NEBL: variants seen among roughly 807,000 people sequenced by gnomAD.
The protein encoded by NEBL is nebulette, also known as LIM and SH3 protein 2.
NEBL carries 122 observed loss-of-function variants against 140.2 expected under a neutral mutation model. The observed-to-expected ratio is 0.87, with a 90% CI of 0.75 to 1.01. The LOEUF (loss-of-function observed/expected upper bound fraction) is 1.01, where lower values mean the gene tolerates loss of function less well. Ranked by LOEUF, NEBL falls within the 50% of genes least tolerant of loss-of-function variation. The pLI, the probability that NEBL is intolerant of heterozygous loss-of-function variation, is 0.00. For missense variants in NEBL, 1,365 were observed against 1,231.3 expected (o/e 1.11, Z -1.62); for synonymous variants, 436 against 398.9 (o/e 1.09, Z -1.11).
At chr10:21,038,900 C>A (rs1319485727) in intron 2 of NEBL, among the ~76,000 whole-genome samples, 1 of 152,112 alleles carries the variant, frequency 6.6e-6, no homozygotes, top group African/African-American at 2.4e-5. Context: ...TAATGATCAC[C>A]ATTCAAACTG....
chr10:21,219,130 C>T (rs764650515), intron 3 of NEBL, among the ~76,000 whole-genome samples: 28 of 152,352 alleles, frequency 1.8e-4, no homozygotes, highest in Middle Eastern at 3.4e-3. Context: ...CAGGCCAAGA[C>T]ATCAGCCTTT....
At chr10:21,235,058 G>A (rs1049149498) in intron 3 of NEBL, among the ~76,000 whole-genome samples, 2 of 152,194 alleles carry the variant, frequency 1.3e-5, no homozygotes, top group Admixed American at 6.5e-5. Flanking sequence ...ATTTTGGGAG[G>A]CCAAGACAGG....
At position 20,972,650 on chromosome 10, in the gene NEBL, G is replaced by A. The variant is rs540305225; in HGVS notation, c.250-10871C>T. Among the ~76,000 whole-genome samples, 3 of 152,238 alleles carry A rather than the reference G, an allele frequency of 2.0e-5. No homozygotes were observed. The South Asian group carries it at 6.2e-4, about 32-fold the overall frequency. ...TAGTCTCAGCTACTCGGGAGGCTGA[G>A]GCAGGAGAATTGCTTGAACCCGGGA... On this transcript the variant is annotated intron_variant, in intron 3 of 6. Coordinates refer to the NEBL transcript ENST00000417816.
chr10:20,895,485 C>G (rs1305913664), intron 2 of NEBL, among the ~76,000 whole-genome samples: 1 of 152,162 alleles, frequency 6.6e-6, no homozygotes, highest in Non-Finnish European at 1.5e-5. Context: ...TATCTCCTCG[C>G]TTCAGAAATG....
Position 21,241,245 on chromosome 10 carries a change from AAAATAAATAAATAAAT to A in NEBL, n.348+6660_348+6675del, listed in dbSNP as rs372654187. On this transcript the variant is annotated intron_variant and non_coding_transcript_variant, in intron 3 of 8. Transcript: ENST00000675702. ...GAAGCTAGAAAACCCCGATGCCAGC[AAAATAAATAAATAAAT>A]AAATAAATAAATAAATAAATAAATA... is the stretch of plus-strand genomic sequence containing the variant. Among the ~76,000 whole-genome samples, 130 of 146,500 alleles carry A rather than the reference AAAATAAATAAATAAAT, an allele frequency of 8.9e-4. No homozygotes were observed. The Middle Eastern group carries it at 0.01, about 12-fold the overall frequency.
At chr10:21,212,618 T>C (rs1212651227) in intron 3 of NEBL, among the ~76,000 whole-genome samples, 1 of 152,220 alleles carries the variant, frequency 6.6e-6, no homozygotes, top group Non-Finnish European at 1.5e-5. Context: ...TTTGCTTAGC[T>C]TGTTGGATGA....
chr10:21,082,381 G>C (rs1428500053), intron 2 of NEBL, among the ~76,000 whole-genome samples: 1 of 152,122 alleles, frequency 6.6e-6, no homozygotes, highest in African/African-American at 2.4e-5. Flanking sequence ...GGTTATGTAA[G>C]AGAATGCCTT....
chr10:21,113,124 G>A, intron 2 of NEBL: 1 of 259,516 alleles, frequency 3.9e-6, no homozygotes, highest in South Asian at 4.4e-5. Flanking sequence ...GGAAGTGGAG[G>A]AGGAGGGAAG....
At chr10:21,210,772 C>T (rs1373096134) in intron 3 of NEBL, among the ~76,000 whole-genome samples, 2 of 152,192 alleles carry the variant, frequency 1.3e-5, no homozygotes, top group Non-Finnish European at 2.9e-5. Context: ...AGAGGAGGAA[C>T]ATACGTTAAG....
At chr10:20,790,600 C>CAAAA (rs558358426) in intron 26 of NEBL, among the ~76,000 whole-genome samples, 3 of 82,824 alleles carry the variant, frequency 3.6e-5, no homozygotes, top group African/African-American at 1.4e-4. Context: ...AACTCTGTCT[C>CAAAA]AAAAAAAAAA....
rs1247518332 is a variant in NEBL at position 20,817,838 on chromosome 10, C to T, written c.2056-146G>A. The T allele has an allele frequency of 4.2e-6, 3 of 714,352 alleles. No individual in the cohort carries two copies. In the Admixed American group the frequency reaches 6.1e-5, roughly 15 times the overall value. 44.3% of individuals were successfully genotyped at this position (714,352 alleles called of 1,614,324 possible). On this transcript the variant is annotated intron_variant, in intron 20 of 27. Coordinates refer to ENST00000377122, the MANE Select transcript of NEBL (RefSeq NM_006393.3). The stretch of plus-strand genomic sequence containing the variant: ...TCAACCTTCACGCTTACATATACGC[C>T]CACATTCCGATGGGTCTGATTTAGC...
chr10:21,198,452 G>A (rs572879681), intron 3 of NEBL, among the ~76,000 whole-genome samples: 1 of 152,144 alleles, frequency 6.6e-6, no homozygotes, highest in Non-Finnish European at 1.5e-5. Flanking sequence ...GCTGAATAAA[G>A]TTTTGACACC....
chr10:20,853,809 A>G (rs1247854851), intron 9 of NEBL, among the ~76,000 whole-genome samples: 1 of 152,120 alleles, frequency 6.6e-6, no homozygotes, highest in Non-Finnish European at 1.5e-5. Context: ...TGAGTTTAAG[A>G]TCTAGTATTC....
At chr10:21,004,726 A>C (rs1179840348) in intron 3 of NEBL, among the ~76,000 whole-genome samples, 1 of 152,106 alleles carries the variant, frequency 6.6e-6, no homozygotes, top group Non-Finnish European at 1.5e-5. Flanking sequence ...CTCAAAAAAA[A>C]AAAGAATCAC....
At chr10:20,849,440 G>C (rs750066514) in intron 11 of NEBL, among the ~76,000 whole-genome samples, 2 of 152,116 alleles carry the variant, frequency 1.3e-5, no homozygotes, top group East Asian at 1.9e-4. Context: ...AACACTGTTG[G>C]GGGGTGGGAA....
chr10:20,924,286 G>A lies in NEBL; in HGVS notation c.357+37386C>T, dbSNP rs376689463. ...TAATGCCAGGATTGAGAAGCCCTGT[G>A]TCTTCTGAGACCCTGAAAGTTTCAC... On this transcript the variant is annotated intron_variant, in intron 4 of 6. Coordinates refer to the NEBL transcript ENST00000417816. Among the ~76,000 whole-genome samples the A allele has an allele frequency of 2.6e-5, 4 of 151,866 alleles. No individual in the cohort carries two copies. In the East Asian group the frequency reaches 7.8e-4, roughly 29 times the overall value.
intron 4 of NEBL, among the ~76,000 whole-genome samples, chr10:20,941,015 G>C (rs890242435): frequency 1.3e-5 from 2 of 152,170 alleles, no homozygotes; most frequent in Non-Finnish European, 2.9e-5. Context: ...GTACAAGAAG[G>C]AGCTGGTACC....
intron 3 of NEBL, among the ~76,000 whole-genome samples, chr10:21,182,005 G>T (rs184266073): frequency 1.2e-3 from 183 of 152,250 alleles, no homozygotes; most frequent in Non-Finnish European, 1.5e-3. Context: ...CACAGGGACC[G>T]CCCATCAGCA....
At chr10:21,117,250 A>C (rs1453453459) in intron 2 of NEBL, among the ~76,000 whole-genome samples, 1 of 151,916 alleles carries the variant, frequency 6.6e-6, no homozygotes, top group East Asian at 1.9e-4. Context: ...GGGAAAAAAA[A>C]AAACAAACTA....
Sources: allele counts gnomAD v4.1 joint callset (sites outside exome capture counted in the v4.1 genomes callset), GRCh38; gene constraint gnomAD v4.1.1; transcripts MANE v1.5; gene names NCBI Gene and HGNC (gene_info 2026-07-23, HGNC 2026-07-21).